Variants in CYP2C18 observed in about 807,000 individuals in gnomAD.
CYP2C18 encodes the protein cytochrome P450 2C18.
In CYP2C18, 38 loss-of-function variants were observed where a neutral mutation model predicts 41.3. The observed-to-expected ratio is 0.92, with a 90% confidence interval of 0.71 to 1.21. The LOEUF (loss-of-function observed/expected upper bound fraction) is 1.21. CYP2C18 is among the 50% of genes most tolerant of loss of function. The pLI is 0.00. For synonymous variants in CYP2C18, 236 were observed against 210.0 expected, an observed-to-expected ratio of 1.12 and a Z score of -1.07; for missense variants, 635 against 591.4, an observed-to-expected ratio of 1.07 and a Z score of -0.77.
At position 94,724,482 on chromosome 10, in the gene CYP2C18, G is replaced by GA. The variant is rs749829747; in HGVS notation, c.1098_1099insA (p.Pro367ThrfsTer7). The GA allele has an allele frequency of 1.5e-5, 24 of 1,613,332 alleles. No homozygotes were observed. Among genetic ancestry groups the GA allele is most frequent in the Non-Finnish European group, 2.0e-5 (24 of 1,179,698 alleles). On this transcript the variant is annotated frameshift_variant, in exon 7 of 9. Transcript: ENST00000285979. LOFTEE classifies it high-confidence loss of function. The stretch of plus-strand genomic sequence containing the variant: ...ACATTGACCTCCTCCCCACCAACCT[G>GA]CCCCATGCAGTGACCTGTGATGTTA...
At chr10:94,711,197 A>C (rs7099637) in intron 5 of CYP2C18, among the ~76,000 whole-genome samples, 30,518 of 151,952 alleles carry the variant, frequency 0.2, 3,263 homozygotes, top group Middle Eastern at 0.23. Context: ...TCATGTCTGT[A>C]GTGTCTCTTC....
intron 4 of CYP2C18, among the ~76,000 whole-genome samples, chr10:94,698,587 A>G (rs920332229): frequency 3.3e-5 from 5 of 152,226 alleles, no homozygotes; most frequent in African/African-American, 9.6e-5. Context: ...AAGCAAGAGC[A>G]AACACATTCA....
At chr10:94,707,576 A>G (rs1035118243) in intron 5 of CYP2C18, among the ~76,000 whole-genome samples, 5 of 152,132 alleles carry the variant, frequency 3.3e-5, no homozygotes, top group Non-Finnish European at 7.4e-5. Flanking sequence ...CCCTAACAAG[A>G]GTGGGATGCG....
chr10:94,731,015 G>A (rs1847822171), intron 7 of CYP2C18, among the ~76,000 whole-genome samples: 1 of 152,178 alleles, frequency 6.6e-6, no homozygotes, highest in African/African-American at 2.4e-5. Context: ...ACTACTGAAA[G>A]AAATCATAGA....
chr10:94,734,666 T>A (rs1442821340), intron 8 of CYP2C18, among the ~76,000 whole-genome samples: 1 of 152,062 alleles, frequency 6.6e-6, no homozygotes, highest in East Asian at 1.9e-4. Context: ...AGAATGGATA[T>A]GCCTAGAGCT....
chr10:94,720,685 G>A (rs1564647011), intron 6 of CYP2C18, 148 bp downstream of exon 6: 3 of 756,364 alleles, frequency 4.0e-6, no homozygotes, highest in East Asian at 2.6e-5. Flanking sequence ...TATGATGAAG[G>A]GATAAGAATG....
intron 6 of CYP2C18, among the ~76,000 whole-genome samples, chr10:94,722,014 T>G (rs1028467801): frequency 2.6e-5 from 4 of 152,190 alleles, no homozygotes; most frequent in Non-Finnish European, 5.9e-5. Flanking sequence ...TTATTTTGGA[T>G]AGATACCCAG....
intron 4 of CYP2C18, among the ~76,000 whole-genome samples, chr10:94,701,296 A>G (rs145586499): frequency 0.032 from 4,854 of 152,326 alleles, 124 homozygotes; most frequent in Middle Eastern, 0.13. Context: ...GCCATAAAAA[A>G]TGATGAGTTC....
chr10:94,688,240 C>A lies in CYP2C18; in HGVS notation c.447C>A (p.Ala149=), dbSNP rs942649774. The change falls in exon 3 of 9, where the codon GCC becomes GCA. Residue 149 remains alanine, a synonymous_variant. Transcript: ENST00000285979. ...RSIEDRVQEE[A]RCLVEELRKT... ...TCGAGGACCGTGTTCAAGAGGAAGCCCGCTGCCTTGTGGAGGAGTTGAGAA... is the reference window on the plus strand; with the variant it reads ...TCGAGGACCGTGTTCAAGAGGAAGCACGCTGCCTTGTGGAGGAGTTGAGAA... 1.2e-6 allele frequency: 2 copies of A among 1,613,014 alleles called. No homozygotes were observed. Among genetic ancestry groups the A allele is most frequent in the Non-Finnish European group, 1.7e-6 (2 of 1,179,522 alleles).
Position 94,725,253 on chromosome 10 carries a change from C to T in CYP2C18, c.1149+720C>T, listed in dbSNP as rs1223939593. Reference sequence around the variant, plus strand: ...CTGCACCTGGCTTTTAAATAATATACTTTAAAAAAAATGCCTTTTCCATTT... The same window carrying T: ...CTGCACCTGGCTTTTAAATAATATATTTTAAAAAAAATGCCTTTTCCATTT... On this transcript the variant is annotated intron_variant, in intron 7 of 8. Transcript: ENST00000285979. Among the ~76,000 whole-genome samples, 4 of 151,294 alleles carry T rather than the reference C, an allele frequency of 2.6e-5. 1 individual carries two copies. The highest frequency in any genetic ancestry group is 5.9e-5 in the Non-Finnish European group (4 of 67,794).
At chr10:94,734,502 G>C (rs1304371239) in intron 8 of CYP2C18, among the ~76,000 whole-genome samples, 1 of 152,150 alleles carries the variant, frequency 6.6e-6, no homozygotes, top group Non-Finnish European at 1.5e-5. Context: ...AACCTAGAGA[G>C]GGTGAGTTTC....
chr10:94,714,447 T>C (rs1437649701), intron 5 of CYP2C18, among the ~76,000 whole-genome samples: 1 of 152,210 alleles, frequency 6.6e-6, no homozygotes, highest in African/African-American at 2.4e-5. Flanking sequence ...CCTTTCCTCA[T>C]TTCTTGTTTT....
At chr10:94,732,337 C>T (rs1169261212) in intron 7 of CYP2C18, among the ~76,000 whole-genome samples, 1 of 151,762 alleles carries the variant, frequency 6.6e-6, no homozygotes, top group Admixed American at 6.6e-5. Context: ...GATGGCAAGG[C>T]TGTGGAGAAA....
chr10:94,703,481 G>A (rs1847281447), intron 4 of CYP2C18, among the ~76,000 whole-genome samples: 1 of 152,182 alleles, frequency 6.6e-6, no homozygotes, highest in South Asian at 2.1e-4. Flanking sequence ...GCTTTGTGGT[G>A]CTGCGGTGGG....
rs145480465 is a variant in CYP2C18, at chr10:94,733,437, A to G, written c.1290A>G (p.Ala430=). ...KKSDYFMPFS[A]GKRMCMGEGL... The stretch of plus-strand genomic sequence containing the variant: ...GTGACTACTTCATGCCTTTCTCAGC[A>G]GGTAATAGATATTCATTTCCATCTG... The change falls in exon 8 of 9, where the codon GCA becomes GCG. Residue 430 remains alanine (A), a splice_region_variant and synonymous_variant. Transcript: ENST00000285979. The G allele has an allele frequency of 2.5e-6, 4 of 1,613,124 alleles. No individual in the cohort carries two copies. The East Asian group carries it at 8.9e-5, about 36-fold the overall frequency.
chr10:94,709,944 T>G (rs375846179), intron 5 of CYP2C18, among the ~76,000 whole-genome samples: 62 of 152,276 alleles, frequency 4.1e-4, no homozygotes, highest in Middle Eastern at 3.4e-3. Flanking sequence ...AAATTCTATT[T>G]CATTGATCTA....
intron 5 of CYP2C18, among the ~76,000 whole-genome samples, chr10:94,711,224 T>C (rs1467942557): frequency 1.3e-5 from 2 of 152,178 alleles, no homozygotes; most frequent in Non-Finnish European, 2.9e-5. Flanking sequence ...TATATTCTTA[T>C]TCATTCCTGT....
chr10:94,698,798 T>C (rs189366916), intron 4 of CYP2C18, among the ~76,000 whole-genome samples: 7 of 151,988 alleles, frequency 4.6e-5, no homozygotes, highest in Non-Finnish European at 5.9e-5. Flanking sequence ...AAAGGGGATA[T>C]CACCACCAAT....
At chr10:94,716,472 T>C (rs542414642) in intron 5 of CYP2C18, among the ~76,000 whole-genome samples, 1 of 152,332 alleles carries the variant, frequency 6.6e-6, no homozygotes, top group South Asian at 2.1e-4. Context: ...GTTGTTCAGT[T>C]TGCATGTAAT....
Sources: gnomAD v4.1 joint callset for allele counts (sites outside exome capture counted in the v4.1 genomes callset) on GRCh38, gnomAD v4.1.1 for gene constraint, MANE v1.5 for transcripts, NCBI Gene and HGNC (gene_info 2026-07-23, HGNC 2026-07-21) for gene names.